The following LAPTM4B variants were observed in gnomAD, a reference collection of about 807,000 sequenced individuals.
LAPTM4B encodes the protein lysosomal-associated transmembrane protein 4B.
In LAPTM4B, 26 loss-of-function variants were observed where a neutral mutation model predicts 28.5. The ratio of observed to expected loss-of-function variants is 0.91; its 90% CI spans 0.67 to 1.27. The LOEUF is 1.27. Among genes scored for constraint, LAPTM4B ranks in the 50% most tolerant of loss-of-function variants. The probability of loss-of-function intolerance (pLI) is 0.00; values close to 1 mark genes in which losing one functional copy is unlikely to be tolerated. For synonymous variants in LAPTM4B, 109 were observed against 106.4 expected, an observed-to-expected ratio of 1.02 and a Z score of -0.15; for missense variants, 288 against 285.8, an observed-to-expected ratio of 1.01 and a Z score of -0.06.
intron 6 of LAPTM4B, among the ~76,000 whole-genome samples, chr8:97,828,495 T>C (rs1817128622): frequency 6.6e-6 from 1 of 152,214 alleles, no homozygotes; most frequent in African/African-American, 2.4e-5. Context: ...GCCATGAAGC[T>C]AAGCTAGAGA....
chr8:97,843,029 C>T (rs1817376113), intron 6 of LAPTM4B, among the ~76,000 whole-genome samples: 1 of 152,052 alleles, frequency 6.6e-6, no homozygotes, highest in Non-Finnish European at 1.5e-5. Flanking sequence ...CAGGCATATG[C>T]CATCACACTT....
intron 6 of LAPTM4B, among the ~76,000 whole-genome samples, chr8:97,839,423 C>T (rs1322366599): frequency 6.6e-6 from 1 of 152,144 alleles, no homozygotes; most frequent in African/African-American, 2.4e-5. Flanking sequence ...GAACTCCTGA[C>T]CTCAGGTGAT....
At chr8:97,777,220 C>T (rs1289579240) in intron 1 of LAPTM4B, among the ~76,000 whole-genome samples, 1 of 133,186 alleles carries the variant, frequency 7.5e-6, no homozygotes, top group Non-Finnish European at 1.5e-5. Context: ...GATCTCTGCT[C>T]ACTGCAGCCT....
chr8:97,781,626 T>G (rs1197137560), intron 1 of LAPTM4B, among the ~76,000 whole-genome samples: 3 of 152,164 alleles, frequency 2.0e-5, no homozygotes, highest in Non-Finnish European at 4.4e-5. Flanking sequence ...GCCTCTGTAA[T>G]GTAACCCACA....
At chr8:97,792,480 C>T (rs1327459498) in intron 1 of LAPTM4B, among the ~76,000 whole-genome samples, 1 of 152,158 alleles carries the variant, frequency 6.6e-6, no homozygotes, top group Non-Finnish European at 1.5e-5. Flanking sequence ...GTCTCAAACT[C>T]CTGAGCTCAA....
chr8:97,828,313 C>A (rs1817125424), intron 6 of LAPTM4B, among the ~76,000 whole-genome samples: 1 of 152,096 alleles, frequency 6.6e-6, no homozygotes, highest in East Asian at 1.9e-4. Flanking sequence ...TGAAGGGAGA[C>A]CCTGGGGCAG....
At chr8:97,780,383 C>A (rs541979669) in intron 1 of LAPTM4B, among the ~76,000 whole-genome samples, 6 of 152,068 alleles carry the variant, frequency 3.9e-5, no homozygotes, top group South Asian at 2.1e-4. Flanking sequence ...TGAGATCGTG[C>A]GATTGCACTC....
chr8:97,826,453 G>A (rs1432912675), intron 6 of LAPTM4B, among the ~76,000 whole-genome samples: 1 of 152,094 alleles, frequency 6.6e-6, no homozygotes, highest in African/African-American at 2.4e-5. Context: ...AAATTTTCGT[G>A]ATTTTGATAA....
chr8:97,816,004 A>C, intron 3 of LAPTM4B, 54 bp from the exon 4 acceptor site: 1 of 1,478,464 alleles, frequency 6.8e-7, no homozygotes, highest in South Asian at 1.3e-5. Context: ...ATTTAAGAAA[A>C]ATATTGTTTT....
chr8:97,823,537 G>C (rs1045481800), intron 5 of LAPTM4B, among the ~76,000 whole-genome samples: 3 of 151,484 alleles, frequency 2.0e-5, no homozygotes, highest in African/African-American at 7.3e-5. Flanking sequence ...CCAATGCCCG[G>C]CTAATTTTTG....
chr8:97,812,283 T>A (rs1445528180), intron 2 of LAPTM4B, among the ~76,000 whole-genome samples: 1 of 148,422 alleles, frequency 6.7e-6, no homozygotes, highest in East Asian at 2.0e-4. Flanking sequence ...ACAGTGCTGC[T>A]ATCTTGGCTC....
chr8:97,852,658 C>T lies in LAPTM4B; in HGVS notation c.*1184C>T. 1 of 139,558 alleles carries T rather than the reference C, an allele frequency of 7.2e-6. No individual in the cohort carries two copies. Among genetic ancestry groups the T allele is most frequent in the Non-Finnish European group, 1.4e-5 (1 of 71,678 alleles). The allele number at this position is 139,558 out of a possible 1,614,324, so 8.6% of individuals were successfully genotyped here. On this transcript the variant is annotated 3_prime_UTR_variant, in exon 7 of 7. Coordinates refer to ENST00000521545, the MANE Select transcript of LAPTM4B (RefSeq NM_018407.6). Reference sequence around the variant, plus strand: ...GAGGACCTTTCCCTCCACATATGGTCTGGCAGATGCACCCAGTTCAGCCTA... The same window carrying T: ...GAGGACCTTTCCCTCCACATATGGTTTGGCAGATGCACCCAGTTCAGCCTA...
intron 4 of LAPTM4B, among the ~76,000 whole-genome samples, chr8:97,818,002 G>A (rs1816948896): frequency 6.6e-6 from 1 of 152,044 alleles, no homozygotes; most frequent in Non-Finnish European, 1.5e-5. Context: ...TAGTAGAGAT[G>A]GGGTTTGACT....
intron 2 of LAPTM4B, among the ~76,000 whole-genome samples, chr8:97,811,306 G>A (rs528455405): frequency 1.3e-5 from 2 of 152,248 alleles, no homozygotes; most frequent in South Asian, 4.2e-4. Flanking sequence ...AGGGAAACAG[G>A]TGCTTCATAA....
intron 6 of LAPTM4B, among the ~76,000 whole-genome samples, chr8:97,849,828 C>T (rs546290265): frequency 2.6e-5 from 4 of 152,014 alleles, no homozygotes; most frequent in African/African-American, 9.7e-5. Context: ...GCCTGCCCGC[C>T]CCCGGTTCCT....
rs1281601185 is a variant in LAPTM4B at position 97,819,153 on chromosome 8, C to T, written c.422C>T (p.Pro141Leu). ...TTTCTTTTGCAGCCTCCTAATTTTC[C>T]CTACAGAGATGATGTCATGTCAGTG... ...EYIRQLPPNFPYRDDVMSVNP... is the reference protein window; with the variant it reads ...EYIRQLPPNFLYRDDVMSVNP... Residue 141 changes from proline (P) to leucine (L), a missense_variant, in exon 5 of 7, where the codon CCC becomes CTC. Physicochemically the swap from Pro to Leu is moderately conservative, Grantham distance 98. Transcript: ENST00000521545. The T allele has an allele frequency of 1.2e-6, 2 of 1,603,428 alleles. No homozygotes were observed. The highest frequency in any genetic ancestry group is 4.5e-5 in the East Asian group (2 of 44,754).
intron 6 of LAPTM4B, among the ~76,000 whole-genome samples, chr8:97,827,542 A>C (rs1221506062): frequency 2.6e-5 from 4 of 152,224 alleles, no homozygotes; most frequent in African/African-American, 9.6e-5. Context: ...GGGAACCTCA[A>C]CTTGAAGGCT....
At chr8:97,826,886 TAAA>T (rs1714194353) in intron 6 of LAPTM4B, among the ~76,000 whole-genome samples, 1 of 152,124 alleles carries the variant, frequency 6.6e-6, no homozygotes, top group African/African-American at 2.4e-5. Context: ...TTAAAACAAA[TAAA>T]AAGTCCATAA....
chr8:97,816,931 T>G (rs62524113), intron 4 of LAPTM4B, among the ~76,000 whole-genome samples: 68,125 of 150,956 alleles, frequency 0.45, 15,756 homozygotes, highest in East Asian at 0.58. Context: ...TAGAGTGAGA[T>G]CTCATCTAAA....
Sources: gnomAD v4.1 joint callset for allele counts (sites outside exome capture counted in the v4.1 genomes callset) on GRCh38, gnomAD v4.1.1 for gene constraint, MANE v1.5 for transcripts, NCBI Gene and HGNC (gene_info 2026-07-23, HGNC 2026-07-21) for gene names.